Variants in LAMA4 observed in about 807,000 individuals in gnomAD.
The protein encoded by LAMA4 is laminin subunit alpha-4.
Under a neutral mutation model 207.1 loss-of-function variants are expected in LAMA4, and 127 were observed. The ratio of observed to expected loss-of-function variants is 0.61; its 90% CI spans 0.53 to 0.71. The LOEUF is 0.71. Among genes scored for constraint, LAMA4 ranks in the 30% least tolerant of loss-of-function variants. LAMA4 has a pLI of 0.00. For synonymous variants in LAMA4, 761 were observed against 816.0 expected (o/e 0.93, Z 1.15); for missense variants, 2,093 against 2,246.5 (o/e 0.93, Z 1.38).
chr6:112,146,289 C>CAA (rs139084496), intron 18 of LAMA4, among the ~76,000 whole-genome samples: 4 of 129,658 alleles, frequency 3.1e-5, no homozygotes, highest in Admixed American at 7.6e-5. Flanking sequence ...GACTATGTCT[C>CAA]AAAAAAAAAA....
intron 5 of LAMA4, 41 bp from the exon 6 acceptor site, chr6:112,191,891 G>T: frequency 7.0e-7 from 1 of 1,434,468 alleles, no homozygotes; most frequent in Non-Finnish European, 9.8e-7. Context: ...TAGCATCATG[G>T]TTTTTCTTCC....
At chr6:112,184,921 G>A (rs1484061922) in intron 9 of LAMA4, among the ~76,000 whole-genome samples, 1 of 152,026 alleles carries the variant, frequency 6.6e-6, no homozygotes, top group East Asian at 1.9e-4. Context: ...GTAGCTCTTA[G>A]TCATAAGATG....
At chr6:112,175,197 C>G in intron 11 of LAMA4, 116 bp downstream of exon 11, 1 of 1,010,548 alleles carries the variant, frequency 9.9e-7, no homozygotes, top group Non-Finnish European at 1.6e-6. Context: ...CTAAATAGTT[C>G]TGAACACTGG....
intron 2 of LAMA4, among the ~76,000 whole-genome samples, chr6:112,238,483 T>G (rs972604093): frequency 1.1e-4 from 16 of 151,700 alleles, no homozygotes; most frequent in Admixed American, 9.2e-4. Context: ...GCCGAGACGG[T>G]TGGATCACTT....
rs1554354611 is a variant in LAMA4, at chr6:112,207,143, G to A, written c.300C>T (p.His100=). Residue 100 remains histidine (H), a splice_region_variant and synonymous_variant, in exon 4 of 39, where the codon CAC becomes CAT. Coordinates refer to ENST00000230538, the MANE Select transcript of LAMA4 (RefSeq NM_001105206.3). ...GCTCTCCTGTTGTGTTCCGCTGGCA[G>A]TGCTATGAGACAAAAGACAAGAAGA... is the stretch of plus-strand genomic sequence containing the variant. ...ECLDGSGYCV[H]CQRNTTGEHC... 3.1e-6 allele frequency: 5 copies of A among 1,613,754 alleles called. No individual in the cohort carries two copies. The highest frequency in any genetic ancestry group is 2.2e-5 in the East Asian group (1 of 44,862).
In LAMA4 at chr6:112,165,186, G is replaced by A. The variant is rs566357455; in HGVS notation, c.1642C>T (p.Leu548Phe). 8.7e-6 allele frequency: 14 copies of A among 1,609,984 alleles called. No homozygotes were observed. The African/African-American group carries it at 1.6e-4, about 18-fold the overall frequency. The change falls in exon 13 of 39, where the codon CTT becomes TTT. Residue 548 changes from leucine to phenylalanine, a missense_variant. Physicochemically the swap from Leu to Phe is conservative, Grantham distance 22 (BLOSUM62 0). Transcript: ENST00000230538. ...TTTATTATATCATCAAGTTCTGAAA[G>A]AGTTAGACGAGGTGTTGTCAGAGAG... is the stretch of plus-strand genomic sequence containing the variant. ...ADSLTTPRLT[L>F]SELDDIIKNA...
In LAMA4 at chr6:112,254,452, A is replaced by G; in HGVS notation, c.-142+7T>C. The stretch of plus-strand genomic sequence containing the variant: ...GGCTCAAGAACCTACAGATGGACGG[A>G]GCTTACAGTACGGCATCAAAAGGCA... On this transcript the variant is annotated splice_region_variant and intron_variant, in intron 1 of 38. Transcript: ENST00000230538. The G allele has an allele frequency of 2.2e-6, 1 of 462,910 alleles. No homozygotes were observed. The highest frequency in any genetic ancestry group is 4.0e-6 in the Non-Finnish European group (1 of 250,764). 28.7% of individuals were successfully genotyped at this position (462,910 alleles called of 1,614,324 possible).
intron 12 of LAMA4, chr6:112,172,350 T>C (rs2114865205): frequency 2.3e-6 from 1 of 444,304 alleles, no homozygotes. Context: ...CTTGCAAGAA[T>C]AACAGACCCA....
intron 2 of LAMA4, among the ~76,000 whole-genome samples, chr6:112,241,324 A>ATACTT (rs1786500019): frequency 6.6e-6 from 1 of 151,108 alleles, no homozygotes; most frequent in Admixed American, 6.6e-5. Flanking sequence ...TACTGAGATG[A>ATACTT]TACTTACTCT....
chr6:112,110,988 G>C (rs1403145617), intron 38 of LAMA4, among the ~76,000 whole-genome samples: 1 of 152,132 alleles, frequency 6.6e-6, no homozygotes, highest in Non-Finnish European at 1.5e-5. Flanking sequence ...TTTCAGTAGA[G>C]GAATGAATGG....
intron 16 of LAMA4, among the ~76,000 whole-genome samples, chr6:112,151,242 TA>T (rs1780385797): frequency 6.6e-6 from 1 of 152,206 alleles, no homozygotes. Flanking sequence ...TTTTAAACAT[TA>T]TTCAAGTGAG....
chr6:112,158,840 C>T lies in LAMA4; in HGVS notation c.1709G>A (p.Ser570Asn). The part of the protein sequence containing the change: ...GIYAEIDGAK[S>N]ELQVKLSNLS... ...GTTAGATAGTTTTACTTGTAGTTCA[C>T]TTTTGGCTCCATCTATTTCTGCATA... Residue 570 changes from serine to asparagine, a missense_variant, in exon 14 of 39, where the codon AGT (serine) becomes AAT (asparagine). Physicochemically the swap from Ser to Asn is conservative, Grantham distance 46. Coordinates refer to ENST00000230538, the MANE Select transcript of LAMA4 (RefSeq NM_001105206.3). The T allele has an allele frequency of 6.2e-7, 1 of 1,612,742 alleles. No homozygotes were observed. Among genetic ancestry groups the T allele is most frequent in the Non-Finnish European group, 8.5e-7 (1 of 1,178,838 alleles).
intron 2 of LAMA4, among the ~76,000 whole-genome samples, chr6:112,243,558 G>A (rs1786684479): frequency 6.6e-6 from 1 of 152,038 alleles, no homozygotes; most frequent in East Asian, 1.9e-4. Flanking sequence ...ACCTGGCAAG[G>A]GTGATCTGGT....
At chr6:112,165,633 T>G (rs1554339756) in intron 12 of LAMA4, among the ~76,000 whole-genome samples, 2 of 152,202 alleles carry the variant, frequency 1.3e-5, no homozygotes, top group African/African-American at 4.8e-5. Flanking sequence ...TTGCAGTGAT[T>G]GGAATATGAA....
Position 112,254,271 on chromosome 6 carries a change from A to C in LAMA4, c.-121T>G, listed in dbSNP as rs1221374953. ...CCTCCTCTCCGTGTGCAGTATCCCG[A>C]GGTGGCTGCGCAACCAGCAGCTTAG... On this transcript the variant is annotated 5_prime_UTR_variant, in exon 2 of 39. Transcript: ENST00000230538. 7.8e-7 allele frequency: 1 copy of C among 1,274,900 alleles called. No homozygotes were observed. The highest frequency in any genetic ancestry group is 1.5e-5 in the African/African-American group (1 of 68,386). The allele number at this position is 1,274,900 out of a possible 1,614,324, so 79.0% of individuals were successfully genotyped here. A position where few individuals can be genotyped will look rare whatever the true frequency, so the allele number is the denominator to read the frequency against.
At chr6:112,145,587 C>T (rs1439708897) in intron 18 of LAMA4, among the ~76,000 whole-genome samples, 1 of 152,190 alleles carries the variant, frequency 6.6e-6, no homozygotes, top group African/African-American at 2.4e-5. Context: ...GATGAGAGAG[C>T]TGCTGAACAG....
intron 23 of LAMA4, 48 bp downstream of exon 23, chr6:112,139,704 G>C (rs201809547): frequency 1.2e-6 from 2 of 1,601,926 alleles, no homozygotes; most frequent in African/African-American, 1.3e-5. Flanking sequence ...TCTATCTGCT[G>C]CTCTTGCATG....
chr6:112,222,438 C>T (rs1784975194), intron 2 of LAMA4, among the ~76,000 whole-genome samples: 1 of 152,154 alleles, frequency 6.6e-6, no homozygotes, highest in South Asian at 2.1e-4. Flanking sequence ...GTGCTTACTG[C>T]TCAGGCCCCA....
In LAMA4 at chr6:112,112,556, C is replaced by T. The variant is rs143771947; in HGVS notation, c.5326+1520G>A. On this transcript the variant is annotated intron_variant, in intron 38 of 38. Transcript: ENST00000230538. The stretch of plus-strand genomic sequence containing the variant: ...ACTCATGTGAGACTTTTTCATGCTG[C>T]ACCTGCATGAAGTGCAGTGCTGGCC... Among the ~76,000 whole-genome samples the T allele has an allele frequency of 8.5e-5, 13 of 152,320 alleles. No homozygotes were observed. In the East Asian group the frequency reaches 1.4e-3, roughly 16 times the overall value.
Sources: gnomAD v4.1 joint callset for allele counts (sites outside exome capture counted in the v4.1 genomes callset) on GRCh38, gnomAD v4.1.1 for gene constraint, MANE v1.5 for transcripts, NCBI Gene and HGNC (gene_info 2026-07-23, HGNC 2026-07-21) for gene names.